NRCAM: variants seen among roughly 807,000 people sequenced by gnomAD.
The protein encoded by NRCAM is neuronal cell adhesion molecule, also known as NgCAM-related cell adhesion molecule.
In NRCAM, 83 loss-of-function variants were observed where a neutral mutation model predicts 156.5. The observed-to-expected ratio is 0.53, with a 90% CI of 0.44 to 0.64. The LOEUF is 0.64. Among genes scored for constraint, NRCAM ranks in the 30% least tolerant of loss-of-function variants. The probability of loss-of-function intolerance (pLI) is 0.00; values close to 1 mark genes in which losing one functional copy is unlikely to be tolerated. For missense variants in NRCAM, 1,417 were observed against 1,597.3 expected, an observed-to-expected ratio of 0.89 and a Z score of 1.92; for synonymous variants, 538 against 563.9, an observed-to-expected ratio of 0.95 and a Z score of 0.65.
chr7:108,351,585 C>T (rs1429118960), intron 2 of NRCAM, among the ~76,000 whole-genome samples: 3 of 152,134 alleles, frequency 2.0e-5, no homozygotes. Context: ...GATTGGAGAA[C>T]CTAAAATGTC....
At chr7:108,328,814 G>T (rs1273086613) in intron 2 of NRCAM, among the ~76,000 whole-genome samples, 2 of 152,212 alleles carry the variant, frequency 1.3e-5, no homozygotes, top group Non-Finnish European at 2.9e-5. Context: ...TTGTAAAGCT[G>T]TTACATAGTT....
chr7:108,321,747 G>A (rs2099003982), intron 2 of NRCAM, among the ~76,000 whole-genome samples: 1 of 152,160 alleles, frequency 6.6e-6, no homozygotes, highest in African/African-American at 2.4e-5. Context: ...TAATTTTATT[G>A]CTCTATCCAT....
At chr7:108,397,297 G>A (rs566982900) in intron 2 of NRCAM, among the ~76,000 whole-genome samples, 4 of 152,238 alleles carry the variant, frequency 2.6e-5, no homozygotes, top group Non-Finnish European at 2.9e-5. Flanking sequence ...AGTAAAAATC[G>A]AGCATTTTGT....
intron 30 of NRCAM, among the ~76,000 whole-genome samples, chr7:108,165,360 G>GT (rs1215485090): frequency 6.6e-6 from 1 of 152,184 alleles, no homozygotes; most frequent in African/African-American, 2.4e-5. Context: ...GGTAAGTGGA[G>GT]TAATAATGGT....
intron 28 of NRCAM, among the ~76,000 whole-genome samples, chr7:108,171,022 A>G (rs1174055136): frequency 6.6e-6 from 1 of 152,176 alleles, no homozygotes; most frequent in African/African-American, 2.4e-5. Context: ...ATACCCAGAA[A>G]AGATACCACA....
At chr7:108,448,587 ATTTC>A (rs1163527265) in intron 1 of NRCAM, among the ~76,000 whole-genome samples, 4 of 152,122 alleles carry the variant, frequency 2.6e-5, no homozygotes, top group African/African-American at 9.7e-5. Flanking sequence ...ATTGCTTTTT[ATTTC>A]ACTTATTATA....
rs371799179 is a variant in NRCAM at position 108,240,044 on chromosome 7, C to T, written c.21G>A (p.Pro7=). The T allele has an allele frequency of 8.1e-6, 13 of 1,612,792 alleles. No homozygotes were observed. Among genetic ancestry groups the T allele is most frequent in the East Asian group, 2.2e-5 (1 of 44,876 alleles). ...TGCCCGCAGATAAGCGCTTCTTTTT[C>T]GGCATTATTTTAAGCTGCATTAGCT... MQLKIM[P]KKKRLSAGRV... The change falls in exon 4 of 33, where the codon CCG becomes CCA. Residue 7 remains proline, a synonymous_variant. Coordinates refer to ENST00000379028, the MANE Select transcript of NRCAM (RefSeq NM_001037132.4).
chr7:108,221,805 T>C (rs1224074707), intron 11 of NRCAM, among the ~76,000 whole-genome samples: 1 of 152,016 alleles, frequency 6.6e-6, no homozygotes, highest in African/African-American at 2.4e-5. Flanking sequence ...ACTAAATAAC[T>C]TACTCCACTA....
chr7:108,309,595 G>A (rs1042535822), intron 3 of NRCAM, among the ~76,000 whole-genome samples: 4 of 152,114 alleles, frequency 2.6e-5, no homozygotes, highest in Non-Finnish European at 5.9e-5. Context: ...GGTGGCTCAT[G>A]CCTGTAATTC....
chr7:108,394,303 C>G (rs2099770787), intron 2 of NRCAM, among the ~76,000 whole-genome samples: 1 of 152,226 alleles, frequency 6.6e-6, no homozygotes, highest in African/African-American at 2.4e-5. Flanking sequence ...CATCACAGCT[C>G]TACCACAGTG....
At chr7:108,359,557 T>G (rs1269704270) in intron 2 of NRCAM, among the ~76,000 whole-genome samples, 4 of 152,112 alleles carry the variant, frequency 2.6e-5, no homozygotes, top group Non-Finnish European at 5.9e-5. Flanking sequence ...GAAAATCTCA[T>G]TTTTCTGGAA....
At chr7:108,426,360 A>C (rs1406811976) in intron 1 of NRCAM, among the ~76,000 whole-genome samples, 1 of 152,264 alleles carries the variant, frequency 6.6e-6, no homozygotes, top group Non-Finnish European at 1.5e-5. Context: ...CAGAGTGAGC[A>C]CTTGATACTT....
rs960195553 is a variant in NRCAM, at chr7:108,218,180, G to C, written c.890+5545C>G. On this transcript the variant is annotated intron_variant, in intron 11 of 32. Transcript: ENST00000379028. Reference sequence around the variant, plus strand: ...CTCACGGCTTCCCTTGGCTGGGGGGGGGGGGGAGTTCCCCGACCCCTTGCA... The same window carrying C: ...CTCACGGCTTCCCTTGGCTGGGGGGCGGGGGGAGTTCCCCGACCCCTTGCA... Among the ~76,000 whole-genome samples, 9 of 151,864 alleles carry C rather than the reference G, an allele frequency of 5.9e-5. No homozygotes were observed. In the East Asian group the frequency reaches 9.7e-4, roughly 16 times the overall value.
chr7:108,425,963 C>A (rs1563754709), intron 1 of NRCAM, among the ~76,000 whole-genome samples: 2 of 152,300 alleles, frequency 1.3e-5, no homozygotes, highest in Admixed American at 1.3e-4. Context: ...GAGCAACTGG[C>A]CTAAACTGCT....
At position 108,182,675 on chromosome 7, in the gene NRCAM, T is replaced by A. The variant is rs749551614; in HGVS notation, c.2530+20A>T. 1.9e-6 allele frequency: 3 copies of A among 1,605,976 alleles called. No homozygotes were observed. The Admixed American group carries it at 5.0e-5, about 27-fold the overall frequency. On this transcript the variant is annotated intron_variant, in intron 23 of 32. Coordinates refer to ENST00000379028, the MANE Select transcript of NRCAM (RefSeq NM_001037132.4). ...GTAAGTCTGTTTTGCTGGGGAAAAG[T>A]AGGAAATGGCATCACTTACGGTCTT...
intron 20 of NRCAM, among the ~76,000 whole-genome samples, chr7:108,188,128 C>T (rs754020233): frequency 6.6e-6 from 1 of 152,120 alleles, no homozygotes; most frequent in South Asian, 2.1e-4. Context: ...CCTCAGACTA[C>T]AGTATAGTAT....
At chr7:108,247,449 TTC>T (rs2096019127) in intron 3 of NRCAM, among the ~76,000 whole-genome samples, 1 of 151,948 alleles carries the variant, frequency 6.6e-6, no homozygotes, top group Non-Finnish European at 1.5e-5. Context: ...TTCTAGATAC[TTC>T]TCTATATATA....
chr7:108,233,068 C>A (rs919725221), intron 6 of NRCAM, among the ~76,000 whole-genome samples: 1 of 152,158 alleles, frequency 6.6e-6, no homozygotes, highest in Non-Finnish European at 1.5e-5. Flanking sequence ...AAAATAGTAA[C>A]TCTACATAAA....
chr7:108,422,133 C>A (rs1450938668), intron 1 of NRCAM, among the ~76,000 whole-genome samples: 1 of 152,212 alleles, frequency 6.6e-6, no homozygotes, highest in Non-Finnish European at 1.5e-5. Context: ...CTCCTCCCTT[C>A]TGTCTCTCTT....
Sources: gnomAD v4.1 joint callset for allele counts (sites outside exome capture counted in the v4.1 genomes callset) on GRCh38, gnomAD v4.1.1 for gene constraint, MANE v1.5 for transcripts, NCBI Gene and HGNC (gene_info 2026-07-23, HGNC 2026-07-21) for gene names.